The following KCNK10 variants were observed in gnomAD, a reference collection of about 807,000 sequenced individuals.
KCNK10 encodes potassium channel subfamily K member 10.
Under a neutral mutation model 47.7 loss-of-function variants are expected in KCNK10, and 25 were observed. The observed-to-expected ratio is 0.52, with a 90% CI of 0.38 to 0.73. The LOEUF (loss-of-function observed/expected upper bound fraction) is 0.73. Ranked by LOEUF, KCNK10 falls within the 30% of genes least tolerant of loss-of-function variation. KCNK10 has a pLI of 0.00. For synonymous variants in KCNK10, 303 were observed against 285.6 expected (o/e 1.06, Z -0.61); for missense variants, 563 against 714.5 (o/e 0.79, Z 2.42).
chr14:88,240,224 G>C (rs977930820), intron 3 of KCNK10, among the ~76,000 whole-genome samples: 1 of 152,170 alleles, frequency 6.6e-6, no homozygotes, highest in African/African-American at 2.4e-5. Context: ...TCCAGAAGTA[G>C]CACAAGCATG....
At chr14:88,251,766 G>A (rs1312560288) in intron 2 of KCNK10, among the ~76,000 whole-genome samples, 1 of 152,202 alleles carries the variant, frequency 6.6e-6, no homozygotes, top group African/African-American at 2.4e-5. Context: ...TTTGGCTCCT[G>A]CCTGTCTCCA....
rs200989876 is a variant in KCNK10, at chr14:88,194,061, G to A, written c.682-1651C>T. ...AAGAAGGCATCTGGTATATAAAATG[G>A]GAACAGGGAAAAATAATTTGATCTA... is the stretch of plus-strand genomic sequence containing the variant. On this transcript the variant is annotated intron_variant, in intron 4 of 6. Transcript: ENST00000319231. Among the ~76,000 whole-genome samples the A allele has an allele frequency of 3.9e-5, 6 of 152,090 alleles. No individual in the cohort carries two copies. In the East Asian group the frequency reaches 7.7e-4, roughly 20 times the overall value.
intron 1 of KCNK10, among the ~76,000 whole-genome samples, chr14:88,288,456 ACT>A (rs1251051402): frequency 6.6e-6 from 1 of 151,642 alleles, no homozygotes; most frequent in Admixed American, 6.6e-5. Context: ...AGTCCAGCCA[ACT>A]CTCCCTTCCA....
chr14:88,248,890 C>T (rs1886715554), intron 2 of KCNK10, among the ~76,000 whole-genome samples: 2 of 152,162 alleles, frequency 1.3e-5, no homozygotes, highest in African/African-American at 4.8e-5. Context: ...TAAAATTAAT[C>T]ATAGCTGCCA....
In KCNK10 at chr14:88,232,006, T is replaced by G. The variant is rs1175326731; in HGVS notation, c.521-4471A>C. On this transcript the variant is annotated intron_variant, in intron 3 of 6. Transcript: ENST00000319231. ...TGAAAAGTACATAACCTTAAGCTGC[T>G]CATGAGAGCCTTTCTGGAAAGAAAT... is the stretch of plus-strand genomic sequence containing the variant. Among the ~76,000 whole-genome samples the G allele has an allele frequency of 2.6e-5, 4 of 152,320 alleles. No individual in the cohort carries two copies. The East Asian group carries it at 7.7e-4, about 29-fold the overall frequency.
chr14:88,199,756 C>G (rs1885039614), intron 4 of KCNK10, among the ~76,000 whole-genome samples: 1 of 152,168 alleles, frequency 6.6e-6, no homozygotes, highest in African/African-American at 2.4e-5. Context: ...AGCCCAGAGG[C>G]TACTAGACAG....
chr14:88,187,946 A>G, intron 6 of KCNK10, 21 bp downstream of exon 6: 1 of 1,613,638 alleles, frequency 6.2e-7, no homozygotes, highest in Non-Finnish European at 8.5e-7. Context: ...GAACATTCAT[A>G]GGGTTAGGAA....
In KCNK10 at chr14:88,302,177, C is replaced by T. The variant is rs564132103; in HGVS notation, c.52+20570G>A. ...TTTAAGCAACTATACAGATAGATGG[C>T]GGTGCCCATCAATGAGATGGGAAAC... is the stretch of plus-strand genomic sequence containing the variant. On this transcript the variant is annotated intron_variant, in intron 1 of 6. Transcript: ENST00000319231. 1.2e-4 allele frequency among the ~76,000 whole-genome samples: 19 copies of T among 152,128 alleles called. No homozygotes were observed. The South Asian group carries it at 3.3e-3, about 27-fold the overall frequency.
At chr14:88,199,093 T>C (rs1347700789) in intron 4 of KCNK10, among the ~76,000 whole-genome samples, 1 of 151,968 alleles carries the variant, frequency 6.6e-6, no homozygotes, top group Non-Finnish European at 1.5e-5. Flanking sequence ...CTAATGATTG[T>C]ATTTTTAGTA....
rs1300870045 is a variant in KCNK10, at chr14:88,265,345, A to C, written c.53-1794T>G. ...TATAAGAAGGAAGCAGGAGGGCCAG[A>C]GAGAGAAGGGATGTGAGGACAGATA... is the stretch of plus-strand genomic sequence containing the variant. On this transcript the variant is annotated intron_variant, in intron 1 of 6. Coordinates refer to ENST00000319231, the MANE Select transcript of KCNK10 (RefSeq NM_138317.3). Among the ~76,000 whole-genome samples the C allele has an allele frequency of 2.6e-5, 4 of 152,088 alleles. No homozygotes were observed. In the East Asian group the frequency reaches 7.7e-4, roughly 29 times the overall value.
chr14:88,265,576 G>A (rs1887230179), intron 1 of KCNK10, among the ~76,000 whole-genome samples: 1 of 152,228 alleles, frequency 6.6e-6, no homozygotes, highest in South Asian at 2.1e-4. Flanking sequence ...CACTACATGT[G>A]TGGCAATTTG....
At chr14:88,270,060 G>C (rs548539437) in intron 1 of KCNK10, among the ~76,000 whole-genome samples, 1 of 152,036 alleles carries the variant, frequency 6.6e-6, no homozygotes. Flanking sequence ...GCAGACTCCC[G>C]GGCAAGAGGG....
intron 2 of KCNK10, among the ~76,000 whole-genome samples, chr14:88,257,147 T>C (rs1032358634): frequency 6.6e-6 from 1 of 152,196 alleles, no homozygotes; most frequent in African/African-American, 2.4e-5. Context: ...TCAGCATCCC[T>C]CACCTGTGAT....
intron 1 of KCNK10, among the ~76,000 whole-genome samples, chr14:88,277,665 TA>T (rs1368160516): frequency 6.6e-6 from 1 of 152,122 alleles, no homozygotes; most frequent in Non-Finnish European, 1.5e-5. Context: ...TTATCTTCAA[TA>T]AAACAGCTCA....
intron 3 of KCNK10, chr14:88,235,371 T>C (rs1486154397): frequency 7.7e-6 from 3 of 390,848 alleles, no homozygotes; most frequent in Admixed American, 3.1e-5. Context: ...AACTTACCAA[T>C]GGATGGAAAG....
At chr14:88,231,805 T>C (rs369475144) in intron 3 of KCNK10, among the ~76,000 whole-genome samples, 7 of 152,184 alleles carry the variant, frequency 4.6e-5, no homozygotes, top group African/African-American at 1.4e-4. Flanking sequence ...TATACACTTG[T>C]AAATCTTTCC....
intron 2 of KCNK10, among the ~76,000 whole-genome samples, chr14:88,252,382 T>C (rs1002429506): frequency 2.6e-5 from 4 of 152,220 alleles, no homozygotes; most frequent in East Asian, 1.9e-4. Context: ...ATCAACAAGT[T>C]TGTTGAATGA....
chr14:88,208,877 G>A (rs1423466709), intron 4 of KCNK10, among the ~76,000 whole-genome samples: 1 of 152,174 alleles, frequency 6.6e-6, no homozygotes, highest in Non-Finnish European at 1.5e-5. Flanking sequence ...TCGGGAGTGA[G>A]AGGGGACCTG....
At chr14:88,311,669 C>A (rs1888332843) in intron 1 of KCNK10, among the ~76,000 whole-genome samples, 1 of 152,058 alleles carries the variant, frequency 6.6e-6, no homozygotes, top group Admixed American at 6.5e-5. Context: ...CCAATTTTCA[C>A]AGTAAAAATG....
Sources: allele counts gnomAD v4.1 joint callset (sites outside exome capture counted in the v4.1 genomes callset), GRCh38; gene constraint gnomAD v4.1.1; transcripts MANE v1.5; gene names NCBI Gene and HGNC (gene_info 2026-07-23, HGNC 2026-07-21).